CACNA1C: variants seen among roughly 807,000 people sequenced by gnomAD.
CACNA1C encodes calcium voltage-gated channel subunit alpha1 C.
Under a neutral mutation model 229.0 loss-of-function variants are expected in CACNA1C, and 30 were observed. That is an observed-to-expected ratio of 0.13 (90% confidence interval 0.10 to 0.18). The LOEUF (loss-of-function observed/expected upper bound fraction) is 0.18. Ranked by LOEUF, CACNA1C falls within the 10% of genes least tolerant of loss-of-function variation. The pLI, the probability that CACNA1C is intolerant of heterozygous loss-of-function variation, is 1.00. For missense variants in CACNA1C, 1,658 were observed against 2,845.0 expected, an observed-to-expected ratio of 0.58 and a Z score of 9.49; for synonymous variants, 1,114 against 1,132.5, an observed-to-expected ratio of 0.98 and a Z score of 0.33.
At chr12:2,405,565 T>C (rs766961613) in intron 3 of CACNA1C, among the ~76,000 whole-genome samples, 11 of 152,232 alleles carry the variant, frequency 7.2e-5, no homozygotes, top group Non-Finnish European at 4.4e-5. Flanking sequence ...TATCTACCTC[T>C]AGTGTTTTTG....
At chr12:2,343,985 A>G (rs2096934748) in intron 3 of CACNA1C, among the ~76,000 whole-genome samples, 1 of 152,190 alleles carries the variant, frequency 6.6e-6, no homozygotes, top group Non-Finnish European at 1.5e-5. Flanking sequence ...AATAGAGAAA[A>G]CGGTGCCACC....
Position 2,054,024 on chromosome 12 carries a change from G to A in CACNA1C, c.49+413G>A, listed in dbSNP as rs979779844. Among the ~76,000 whole-genome samples, 18 of 146,934 alleles carry A rather than the reference G, an allele frequency of 1.2e-4. No homozygotes were observed. The highest frequency in any genetic ancestry group is 4.4e-4 in the African/African-American group (18 of 40,974). On this transcript the variant is annotated intron_variant, in intron 1 of 46. Transcript: ENST00000399655. The surrounding 1 kb of genome is among the most constrained non-coding windows in gnomAD (Gnocchi z 5.5). Reference sequence around the variant, plus strand: ...AGGCCCGGGGTCCCTCGCCCGGCTCGGGGCGCGGCTGGGAGCGCGCGCGCG... The same window carrying A: ...AGGCCCGGGGTCCCTCGCCCGGCTCAGGGCGCGGCTGGGAGCGCGCGCGCG...
At position 2,651,662 on chromosome 12, in the gene CACNA1C, T is replaced by C. The variant is rs1367878069; in HGVS notation, c.3968T>C (p.Ile1323Thr). 1 of 1,613,728 alleles carries C rather than the reference T, an allele frequency of 6.2e-7. No individual in the cohort carries two copies. Among genetic ancestry groups the C allele is most frequent in the Non-Finnish European group, 8.5e-7 (1 of 1,179,810 alleles). The change falls in exon 32 of 47, where the codon ATC becomes ACC. Residue 1323 changes from isoleucine (I) to threonine (T), a missense_variant. By Grantham distance (89) the Ile-to-Thr change is moderately conservative. Transcript: ENST00000399655. This position sits in a 1 kb window ranked among gnomAD's most constrained non-coding sequence, Gnocchi z 5.4. ...PSMNAEENSRISITFFRLFRV... is the reference protein window; with the variant it reads ...PSMNAEENSRTSITFFRLFRV... ...CAGAACGCAGAGGAAAACTCCCGCA[T>C]CTCCATCACCTTCTTCCGCCTGTTC...
intron 3 of CACNA1C, among the ~76,000 whole-genome samples, chr12:2,194,544 C>T (rs992075994): frequency 6.6e-6 from 1 of 152,124 alleles, no homozygotes; most frequent in Non-Finnish European, 1.5e-5. Context: ...AAATGTTTTT[C>T]ATTGATGACT....
intron 1 of CACNA1C, among the ~76,000 whole-genome samples, chr12:1,996,616 TAAAAAAAAAAAAA>T (rs78563698): frequency 5.3e-4 from 10 of 18,840 alleles, no homozygotes; most frequent in Admixed American, 8.1e-4. Context: ...GCTGATGAGC[TAAAAAAAAAAAAA>T]AAAAAAAAAA....
At chr12:2,366,418 G>C (rs1232723206) in intron 3 of CACNA1C, among the ~76,000 whole-genome samples, 3 of 152,070 alleles carry the variant, frequency 2.0e-5, no homozygotes, top group Non-Finnish European at 4.4e-5. Context: ...ATAAGAAATT[G>C]CCTATATAAT....
chr12:2,383,789 C>T (rs775225662), intron 3 of CACNA1C, among the ~76,000 whole-genome samples: 28 of 152,218 alleles, frequency 1.8e-4, no homozygotes, highest in Non-Finnish European at 3.1e-4. Context: ...TGCAAGACAA[C>T]GCCCTGCAGA....
At chr12:2,550,467 G>T in intron 10 of CACNA1C, 2 of 1,194,534 alleles carry the variant, frequency 1.7e-6, no homozygotes, top group Non-Finnish European at 2.2e-6. Context: ...ACCTGGGAGA[G>T]AAGCAGCCAG....
chr12:2,302,479 C>G (rs187025107), intron 3 of CACNA1C, among the ~76,000 whole-genome samples: 117 of 152,138 alleles, frequency 7.7e-4, no homozygotes, highest in Non-Finnish European at 1.3e-3. Flanking sequence ...CCAAAGGCAC[C>G]AATTATTGGA....
At chr12:2,399,191 G>A (rs1250229581) in intron 3 of CACNA1C, among the ~76,000 whole-genome samples, 1 of 152,170 alleles carries the variant, frequency 6.6e-6, no homozygotes, top group African/African-American at 2.4e-5. Context: ...CCACAACAAT[G>A]TCTAGTGGTT....
At chr12:2,648,653 G>A in intron 31 of CACNA1C, 146 bp downstream of exon 31, 1 of 720,678 alleles carries the variant, frequency 1.4e-6, no homozygotes. Flanking sequence ...TGCCTTGCCT[G>A]CCTGTTCCCT....
chr12:2,317,087 G>C (rs1286427757), intron 3 of CACNA1C, among the ~76,000 whole-genome samples: 2 of 152,218 alleles, frequency 1.3e-5, no homozygotes, highest in Non-Finnish European at 2.9e-5. Flanking sequence ...GTATCATTTA[G>C]AAAAATGGTG....
At chr12:2,434,518 G>T (rs993961932) in intron 3 of CACNA1C, among the ~76,000 whole-genome samples, 1 of 152,194 alleles carries the variant, frequency 6.6e-6, no homozygotes. Flanking sequence ...TTCTAAACTT[G>T]ATTTGTCTCC....
rs557391112 is a variant in CACNA1C at position 2,660,297 on chromosome 12, A to G, written c.4233-4528A>G. ...ACAAAAAGATGGGGGGGAGAGAAAG[A>G]TATTTCTAGACTGACTGATACTACT... On this transcript the variant is annotated intron_variant, in intron 34 of 46. Transcript: ENST00000399655. 3.9e-5 allele frequency: 6 copies of G among 152,304 alleles called. No individual in the cohort carries two copies. The South Asian group carries it at 8.3e-4, about 21-fold the overall frequency. 9.4% of individuals were successfully genotyped at this position (152,304 alleles called of 1,614,324 possible). A position where few individuals can be genotyped will look rare whatever the true frequency, so the allele number is the denominator to read the frequency against.
intron 3 of CACNA1C, among the ~76,000 whole-genome samples, chr12:2,189,092 CAAAAAAA>C (rs57559183): frequency 1.2e-4 from 4 of 34,428 alleles, no homozygotes; most frequent in South Asian, 1.5e-3. Context: ...GACTCCGTCT[CAAAAAAA>C]AAAAAAAAAA....
rs368520805 is a variant in CACNA1C at position 2,566,746 on chromosome 12, G to T, written c.1669+164G>T. Among the ~76,000 whole-genome samples, 68 of 152,278 alleles carry T rather than the reference G, an allele frequency of 4.5e-4. 1 individual carries two copies. In the South Asian group the frequency reaches 0.014, roughly 31 times the overall value. On this transcript the variant is annotated intron_variant, in intron 12 of 46. Coordinates refer to ENST00000399655, the MANE Select transcript of CACNA1C (RefSeq NM_000719.7). This position sits in a 1 kb window ranked among gnomAD's most constrained non-coding sequence, Gnocchi z 4.0. ...ACACCAAGGGCCTGGCAGTTCCAAA[G>T]CCCCACAATAAAATGCGCTACCTTG...
intron 5 of CACNA1C, among the ~76,000 whole-genome samples, chr12:2,458,545 G>C (rs535750283): frequency 5.9e-5 from 9 of 152,296 alleles, no homozygotes; most frequent in Non-Finnish European, 1.2e-4. Flanking sequence ...GGACTCATTT[G>C]CTTAAATTTT....
At position 2,135,595 on chromosome 12, in the gene CACNA1C, G is replaced by T. The variant is rs1463611631; in HGVS notation, c.477+15165G>T. ...GAGGTGTCAGTCTGCCCCTGCTGGG[G>T]GGTGCCTCCCAGTTAGGCTGCTCAG... On this transcript the variant is annotated intron_variant, in intron 3 of 46. Transcript: ENST00000399655. Among the ~76,000 whole-genome samples, 11 of 136,762 alleles carry T rather than the reference G, an allele frequency of 8.0e-5. 3 individuals are homozygous for T. The highest frequency in any genetic ancestry group is 3.6e-4 in the African/African-American group (11 of 30,570). The allele number at this position is 136,762 out of a possible 152,430, so 89.7% of individuals were successfully genotyped here. A position where few individuals can be genotyped will look rare whatever the true frequency, so the allele number is the denominator to read the frequency against.
rs2033558490 is a variant in CACNA1C, at chr12:1,974,271, T to A, written c.139+3070T>A. ...TATGCTAGAATTCTCTATCAATTGATTACACCTTCTACCAGAAATTTCAGC... is the reference window on the plus strand; with the variant it reads ...TATGCTAGAATTCTCTATCAATTGAATACACCTTCTACCAGAAATTTCAGC... On this transcript the variant is annotated intron_variant, in intron 1 of 46. Coordinates refer to the CACNA1C transcript ENST00000682462. 2.0e-5 allele frequency among the ~76,000 whole-genome samples: 3 copies of A among 152,194 alleles called. No homozygotes were observed. In the South Asian group the frequency reaches 6.2e-4, roughly 31 times the overall value.
Sources: allele counts gnomAD v4.1 joint callset (sites outside exome capture counted in the v4.1 genomes callset), GRCh38; gene constraint gnomAD v4.1.1; non-coding constraint Gnocchi (gnomAD v3.1); transcripts MANE v1.5; gene names NCBI Gene and HGNC (gene_info 2026-07-23, HGNC 2026-07-21).